CSMD1: variants seen among roughly 807,000 people sequenced by gnomAD.
The protein encoded by CSMD1 is CUB and Sushi multiple domains 1.
A neutral mutation model predicts 417.5 loss-of-function variants in CSMD1; 213 were observed. The observed-to-expected ratio is 0.51, with a 90% CI of 0.46 to 0.57. The LOEUF is 0.57. Ranked by LOEUF, CSMD1 falls within the 20% of genes least tolerant of loss-of-function variation. The probability of loss-of-function intolerance (pLI) is 0.00; values close to 1 mark genes in which losing one functional copy is unlikely to be tolerated. For missense variants in CSMD1, 6,923 were observed against 4,529.7 expected, an observed-to-expected ratio of 1.53 and a Z score of -15.17; for synonymous variants, 2,862 against 1,736.8, an observed-to-expected ratio of 1.65 and a Z score of -16.11.
intron 26 of CSMD1, among the ~76,000 whole-genome samples, chr8:3,236,507 C>T (rs1799165209): frequency 6.6e-6 from 1 of 152,134 alleles, no homozygotes; most frequent in Admixed American, 6.5e-5. Flanking sequence ...AAACAAATTT[C>T]ATTTTATTTT....
chr8:3,212,460 T>C (rs1304308230), intron 30 of CSMD1, among the ~76,000 whole-genome samples: 1 of 152,106 alleles, frequency 6.6e-6, no homozygotes, highest in Non-Finnish European at 1.5e-5. Flanking sequence ...GCGATCCTCC[T>C]ACCTCATCCT....
intron 3 of CSMD1, among the ~76,000 whole-genome samples, chr8:4,373,795 T>G (rs948978998): frequency 6.6e-6 from 1 of 152,220 alleles, no homozygotes; most frequent in Non-Finnish European, 1.5e-5. Flanking sequence ...TTGATAAATT[T>G]GTTATAGTCG....
At chr8:3,854,144 A>T (rs930231658) in intron 5 of CSMD1, among the ~76,000 whole-genome samples, 2 of 126,636 alleles carry the variant, frequency 1.6e-5, no homozygotes, top group African/African-American at 7.2e-5. Context: ...AAACTCTATT[A>T]AAGTATAATA....
At chr8:4,142,604 C>G (rs1006095651) in intron 3 of CSMD1, among the ~76,000 whole-genome samples, 3 of 151,084 alleles carry the variant, frequency 2.0e-5, no homozygotes, top group African/African-American at 4.9e-5. Flanking sequence ...CAATTGCTAG[C>G]TTAGCAGCAC....
chr8:3,543,523 T>G (rs1198444240), intron 10 of CSMD1, among the ~76,000 whole-genome samples: 1 of 152,070 alleles, frequency 6.6e-6, no homozygotes, highest in East Asian at 1.9e-4. Flanking sequence ...GGAGGATGGC[T>G]GGATCCCCAA....
rs1379231275 is a variant in CSMD1, at chr8:4,772,227, G to A, written c.86-134669C>T. ...TTCTCTGCTTCCAGCAGCAGCCTGG[G>A]CTCCTCAAATCCTCACACTCCTCTA... On this transcript the variant is annotated intron_variant, in intron 1 of 69. Transcript: ENST00000635120. Among the ~76,000 whole-genome samples the A allele has an allele frequency of 3.3e-5, 5 of 152,122 alleles. No homozygotes were observed. In the East Asian group the frequency reaches 7.7e-4, roughly 24 times the overall value.
intron 5 of CSMD1, among the ~76,000 whole-genome samples, chr8:3,807,046 A>C (rs1022259820): frequency 6.6e-6 from 1 of 152,074 alleles, no homozygotes; most frequent in African/African-American, 2.4e-5. Flanking sequence ...TCTGACTCAC[A>C]AGTCTGGTAG....
intron 3 of CSMD1, among the ~76,000 whole-genome samples, chr8:4,248,732 T>C (rs1802861801): frequency 6.6e-6 from 1 of 152,172 alleles, no homozygotes; most frequent in South Asian, 2.1e-4. Context: ...GTGATCTCTA[T>C]CAACTGACAT....
chr8:3,616,891 G>C (rs1370803629), intron 7 of CSMD1, 94 bp from the exon 8 acceptor site: 5 of 776,084 alleles, frequency 6.4e-6, no homozygotes, highest in African/African-American at 1.7e-5. Flanking sequence ...GTTCTTTAAT[G>C]ATAATGACTT....
chr8:4,476,821 C>T (rs1057276691), intron 2 of CSMD1, among the ~76,000 whole-genome samples: 8 of 152,192 alleles, frequency 5.3e-5, no homozygotes, highest in African/African-American at 1.2e-4. Flanking sequence ...AACCCATCAC[C>T]GTACTTCCCT....
chr8:3,439,996 C>G (rs143854282), intron 12 of CSMD1, among the ~76,000 whole-genome samples: 68 of 152,274 alleles, frequency 4.5e-4, no homozygotes, highest in Non-Finnish European at 8.8e-4. Flanking sequence ...GCTTTCTATT[C>G]CATTCCATTA....
At chr8:4,680,975 T>TGTGTGTGA (rs767579851) in intron 1 of CSMD1, among the ~76,000 whole-genome samples, 99 of 136,774 alleles carry the variant, frequency 7.2e-4, no homozygotes, top group African/African-American at 2.7e-3. Flanking sequence ...TGTGTGTGTG[T>TGTGTGTGA]GAGAGAGAGA....
intron 1 of CSMD1, among the ~76,000 whole-genome samples, chr8:4,832,057 C>G (rs1563528514): frequency 1.3e-5 from 2 of 152,198 alleles, no homozygotes. Context: ...ACAATCAAAC[C>G]AGAACCAACC....
chr8:3,800,635 G>C (rs934791744), intron 5 of CSMD1, among the ~76,000 whole-genome samples: 4 of 152,130 alleles, frequency 2.6e-5, no homozygotes, highest in African/African-American at 9.7e-5. Context: ...GAGGTATTTG[G>C]GTTATGCAGA....
At chr8:4,557,276 C>G (rs980010811) in intron 2 of CSMD1, among the ~76,000 whole-genome samples, 1 of 152,114 alleles carries the variant, frequency 6.6e-6, no homozygotes, top group African/African-American at 2.4e-5. Flanking sequence ...CTAAAGGCAT[C>G]AAATTGGTCT....
chr8:4,464,363 G>T (rs910310733), intron 2 of CSMD1, among the ~76,000 whole-genome samples: 1 of 152,190 alleles, frequency 6.6e-6, no homozygotes, highest in African/African-American at 2.4e-5. Flanking sequence ...AAGCTGAAAA[G>T]AGTGATGAAA....
intron 7 of CSMD1, among the ~76,000 whole-genome samples, chr8:3,669,862 G>A (rs974466129): frequency 2.0e-5 from 3 of 152,100 alleles, no homozygotes; most frequent in Admixed American, 6.5e-5. Context: ...AACAGGAGGG[G>A]CCCAGGTGAT....
chr8:3,310,209 G>A (rs1325866306), intron 23 of CSMD1, among the ~76,000 whole-genome samples: 2 of 152,172 alleles, frequency 1.3e-5, no homozygotes, highest in Middle Eastern at 3.2e-3. Context: ...AGAAGACAGG[G>A]CAGAAAGGAA....
chr8:4,315,305 C>G (rs899054942), intron 3 of CSMD1, among the ~76,000 whole-genome samples: 1 of 152,142 alleles, frequency 6.6e-6, no homozygotes, highest in East Asian at 1.9e-4. Flanking sequence ...CCCTTTTACC[C>G]TAAGGTCCAC....
Sources: gnomAD v4.1 joint callset for allele counts (sites outside exome capture counted in the v4.1 genomes callset) on GRCh38, gnomAD v4.1.1 for gene constraint, MANE v1.5 for transcripts, NCBI Gene and HGNC (gene_info 2026-07-23, HGNC 2026-07-21) for gene names.